The following NOTCH1 variants were observed in gnomAD, a reference collection of about 807,000 sequenced individuals.
NOTCH1 encodes neurogenic locus notch homolog protein 1.
Under a neutral mutation model 254.8 loss-of-function variants are expected in NOTCH1, and 37 were observed. The observed-to-expected ratio is 0.15, with a 90% CI of 0.11 to 0.19. The LOEUF (loss-of-function observed/expected upper bound fraction) is 0.19. NOTCH1 is among the 10% of genes least tolerant of loss of function. The pLI is 1.00. For synonymous variants in NOTCH1, 1,731 were observed against 1,618.1 expected, an observed-to-expected ratio of 1.07 and a Z score of -1.68; for missense variants, 2,972 against 3,708.6, an observed-to-expected ratio of 0.80 and a Z score of 5.16.
chr9:136,527,279 T>G (rs917295710), intron 2 of NOTCH1, among the ~76,000 whole-genome samples: 2 of 152,194 alleles, frequency 1.3e-5, no homozygotes, highest in African/African-American at 2.4e-5. Flanking sequence ...ACCTCAGGCC[T>G]GCAGCATGGC....
chr9:136,509,819 C>G lies in NOTCH1; in HGVS notation c.2883G>C (p.Thr961=), dbSNP rs774785001. ...TGCACGTGTAGCTGTCCACGCAGTCCGTGCAGTTGGCCCCGTTGCGGCAGG... is the reference window on the plus strand; with the variant it reads ...TGCACGTGTAGCTGTCCACGCAGTCGGTGCAGTTGGCCCCGTTGCGGCAGG... The part of the protein sequence containing the change: ...SDPCRNGANC[T]DCVDSYTCTC... The change falls in exon 18 of 34, where the codon ACG becomes ACC. Residue 961 remains threonine, a synonymous_variant. Coordinates refer to ENST00000651671, the MANE Select transcript of NOTCH1 (RefSeq NM_017617.5). The G allele has an allele frequency of 6.2e-7, 1 of 1,613,164 alleles. No homozygotes were observed. Among genetic ancestry groups the G allele is most frequent in the South Asian group, 1.1e-5 (1 of 91,090 alleles).
chr9:136,495,967 ATG>A lies in NOTCH1; in HGVS notation c.*102_*103del. The A allele has an allele frequency of 1.0e-5, 12 of 1,185,648 alleles. No individual in the cohort carries two copies. The highest frequency in any genetic ancestry group is 1.4e-5 in the Non-Finnish European group (12 of 856,708). 73.4% of individuals were successfully genotyped at this position (1,185,648 alleles called of 1,614,324 possible). On this transcript the variant is annotated 3_prime_UTR_variant, in exon 34 of 34. Coordinates refer to ENST00000651671, the MANE Select transcript of NOTCH1 (RefSeq NM_017617.5). ...CCTCGTTCTTATTTTGTATAAAAAC[ATG>A]TGTTTTAAAAAGGCTCCTCTGGTCG...
rs1474156895 is a variant in NOTCH1 at position 136,496,051 on chromosome 9, G to A, written c.*20C>T. On this transcript the variant is annotated 3_prime_UTR_variant, in exon 34 of 34. Coordinates refer to ENST00000651671, the MANE Select transcript of NOTCH1 (RefSeq NM_017617.5). Reference sequence around the variant, plus strand: ...CCGAAGGCTTGGGAAAGGAAGCCGGGGTCTCGTGGGGCGCGCCGTTTACTT... The same window carrying A: ...CCGAAGGCTTGGGAAAGGAAGCCGGAGTCTCGTGGGGCGCGCCGTTTACTT... 1.3e-6 allele frequency: 2 copies of A among 1,588,816 alleles called. No individual in the cohort carries two copies. The highest frequency in any genetic ancestry group is 2.3e-5 in the East Asian group (1 of 44,324).
chr9:136,515,816 C>A (rs1843258778), intron 10 of NOTCH1, 100 bp from the exon 11 acceptor site: 1 of 1,262,168 alleles, frequency 7.9e-7, no homozygotes, highest in Non-Finnish European at 1.1e-6. Context: ...CTGAGGAGGG[C>A]TCCGAGCGTG....
At position 136,506,428 on chromosome 9, in the gene NOTCH1, G is replaced by T; in HGVS notation, c.4014+99C>A. 1 of 977,224 alleles carries T rather than the reference G, an allele frequency of 1.0e-6. No individual in the cohort carries two copies. The highest frequency in any genetic ancestry group is 1.6e-6 in the Non-Finnish European group (1 of 643,700). 60.5% of individuals were successfully genotyped at this position (977,224 alleles called of 1,614,324 possible). ...CAGGGTGAGGAGGAGGATGAAGGCC[G>T]GGAGGATCACTGCCCGGTCTGCGCC... is the stretch of plus-strand genomic sequence containing the variant. On this transcript the variant is annotated intron_variant, in intron 24 of 33. Coordinates refer to ENST00000651671, the MANE Select transcript of NOTCH1 (RefSeq NM_017617.5). The surrounding 1 kb of genome is among the most constrained non-coding windows in gnomAD (Gnocchi z 4.5).
intron 31 of NOTCH1, 91 bp from the exon 32 acceptor site, chr9:136,499,350 T>C: frequency 6.6e-7 from 1 of 1,526,508 alleles, no homozygotes. Context: ...GAAGCCCCAC[T>C]GTCTTCCGGA....
At position 136,505,116 on chromosome 9, in the gene NOTCH1, G is replaced by A. The variant is rs747774591; in HGVS notation, c.4587-12C>T. The A allele has an allele frequency of 2.8e-5, 45 of 1,605,614 alleles. 1 individual carries two copies. Among genetic ancestry groups the A allele is most frequent in the South Asian group, 1.9e-4 (17 of 90,794 alleles). On this transcript the variant is annotated splice_polypyrimidine_tract_variant and intron_variant, in intron 25 of 33. Coordinates refer to ENST00000651671, the MANE Select transcript of NOTCH1 (RefSeq NM_017617.5). ...GGTCGTACAGGGGGCTGTGGGGGGC[G>A]GGACACGCTCAGGCCGCCTTCCTCG...
In NOTCH1 at chr9:136,510,685, T is replaced by C. The variant is rs1843166046; in HGVS notation, c.2708A>G (p.Asn903Ser). 1.2e-6 allele frequency: 2 copies of C among 1,609,722 alleles called. No homozygotes were observed. Among genetic ancestry groups the C allele is most frequent in the Non-Finnish European group, 1.7e-6 (2 of 1,179,678 alleles). Residue 903 changes from asparagine to serine, a missense_variant, in exon 17 of 34, where the codon AAC becomes AGC. Around this residue, in one of 8 missense-constraint regions of NOTCH1, gnomAD observed 1,343 missense variants for 1,557.0 expected, o/e 0.86. Coordinates refer to ENST00000651671, the MANE Select transcript of NOTCH1 (RefSeq NM_017617.5). ...CHCQAGYSGR[N>S]CETDIDDCRP... ...GCAGTCGTCGATGTCGGTCTCGCAG[T>C]TGCGCCCACTGTAGCCGGCCTGGCA...
rs1843715324 is a variant in NOTCH1 at position 136,540,331 on chromosome 9, C to T, written c.140+3693G>A. Reference sequence around the variant, plus strand: ...GCTCAAACGTGTCTGTGAACTGGAGCCACCCTGGGAGATGGACTTCCCCGG... The same window carrying T: ...GCTCAAACGTGTCTGTGAACTGGAGTCACCCTGGGAGATGGACTTCCCCGG... On this transcript the variant is annotated intron_variant, in intron 2 of 33. Coordinates refer to ENST00000651671, the MANE Select transcript of NOTCH1 (RefSeq NM_017617.5). This position sits in a 1 kb window ranked among gnomAD's most constrained non-coding sequence, Gnocchi z 4.4. Among the ~76,000 whole-genome samples the T allele has an allele frequency of 6.6e-6, 1 of 152,170 alleles. No individual in the cohort carries two copies. Among genetic ancestry groups the T allele is most frequent in the Non-Finnish European group, 1.5e-5 (1 of 68,026 alleles).
At chr9:136,539,386 TTTG>T (rs776542468) in intron 2 of NOTCH1, among the ~76,000 whole-genome samples, 3 of 152,058 alleles carry the variant, frequency 2.0e-5, no homozygotes, top group African/African-American at 7.2e-5. Context: ...TGGGGTTTTT[TTTG>T]TTGTTTTTTG....
chr9:136,498,874 C>A (rs2133321317), intron 33 of NOTCH1, 25 bp downstream of exon 33: 1 of 1,612,288 alleles, frequency 6.2e-7, no homozygotes, highest in South Asian at 1.1e-5. Flanking sequence ...TCACGTCTCC[C>A]CTGGCATCCC....
chr9:136,518,746 G>A lies in NOTCH1; in HGVS notation c.944C>T (p.Thr315Ile). The change falls in exon 6 of 34, where the codon ACC becomes ATC. Residue 315 changes from threonine to isoleucine, a missense_variant. This residue lies in a region of NOTCH1 where 374 missense variants were observed against 496.3 expected (regional missense o/e 0.75). Coordinates refer to ENST00000651671, the MANE Select transcript of NOTCH1 (RefSeq NM_017617.5). ...ACACACGCAGTTGTAGCCACCGTGG[G>A]TGTTGTGGCAGGTCCCGCCGTTCTG... ...ACQNGGTCHN[T>I]HGGYNCVCVN... 1.2e-6 allele frequency: 2 copies of A among 1,612,946 alleles called. No individual in the cohort carries two copies. The highest frequency in any genetic ancestry group is 1.7e-6 in the Non-Finnish European group (2 of 1,179,992).
At chr9:136,499,384 C>G (rs1488226183) in intron 31 of NOTCH1, 125 bp from the exon 32 acceptor site, 1 of 1,385,912 alleles carries the variant, frequency 7.2e-7, no homozygotes, top group South Asian at 1.3e-5. Flanking sequence ...CTCCTGAGAT[C>G]GGCACGGCCG....
intron 4 of NOTCH1, chr9:136,519,774 C>T (rs2133373209): frequency 3.0e-6 from 2 of 664,928 alleles, no homozygotes; most frequent in Non-Finnish European, 5.3e-6. Context: ...ACTGGCTAAA[C>T]AGGGACTCAG....
chr9:136,543,630 T>C (rs957850289), intron 2 of NOTCH1: 4 of 380,538 alleles, frequency 1.1e-5, no homozygotes, highest in African/African-American at 6.3e-5. Context: ...CCAGGAGGCA[T>C]CACCCGCCCA....
chr9:136,522,541 G>A (rs920383111), intron 4 of NOTCH1: 9 of 411,912 alleles, frequency 2.2e-5, no homozygotes, highest in African/African-American at 6.3e-5. Flanking sequence ...GAAACCCTGG[G>A]GGTTGCGCAA....
intron 18 of NOTCH1, 40 bp from the exon 19 acceptor site, chr9:136,509,111 T>C (rs1445177244): frequency 1.3e-6 from 2 of 1,518,074 alleles, no homozygotes; most frequent in Non-Finnish European, 1.8e-6. Flanking sequence ...GTGGAGGGCA[T>C]TGGTGGGTCC....
intron 17 of NOTCH1, 54 bp downstream of exon 17, chr9:136,510,599 G>A: frequency 1.3e-6 from 2 of 1,573,798 alleles, no homozygotes; most frequent in Non-Finnish European, 1.7e-6. Context: ...CCTGCCCGGG[G>A]GAACTGAGGC....
chr9:136,538,662 T>C (rs1461772469), intron 2 of NOTCH1, among the ~76,000 whole-genome samples: 1 of 152,168 alleles, frequency 6.6e-6, no homozygotes, highest in Non-Finnish European at 1.5e-5. Context: ...TGCCTGCACA[T>C]GAAGGTGAAA....
Sources: allele counts gnomAD v4.1 joint callset (sites outside exome capture counted in the v4.1 genomes callset), GRCh38; gene constraint gnomAD v4.1.1; regional missense constraint gnomAD v4.1.1; non-coding constraint Gnocchi (gnomAD v3.1); transcripts MANE v1.5; gene names NCBI Gene and HGNC (gene_info 2026-07-23, HGNC 2026-07-21).